Variants in NRXN1 observed in about 807,000 individuals in gnomAD.
The protein encoded by NRXN1 is neurexin-1.
In NRXN1, 39 loss-of-function variants were observed where a neutral mutation model predicts 150.9. The observed-to-expected ratio is 0.26, with a 90% CI of 0.20 to 0.34. The LOEUF (loss-of-function observed/expected upper bound fraction) is 0.34, where lower values mean the gene tolerates loss of function less well. NRXN1 is among the 10% of genes least tolerant of loss of function. The pLI is 1.00. For missense variants in NRXN1, 1,815 were observed against 1,949.9 expected (o/e 0.93, Z 1.30); for synonymous variants, 924 against 757.0 (o/e 1.22, Z -3.62).
intron 18 of NRXN1, among the ~76,000 whole-genome samples, chr2:50,167,062 C>T (rs925075903): frequency 7.2e-5 from 11 of 152,000 alleles, no homozygotes; most frequent in African/African-American, 2.7e-4. Flanking sequence ...AGAGAATTCT[C>T]AAAATATTTG....
intron 7 of NRXN1, among the ~76,000 whole-genome samples, chr2:50,620,726 G>A (rs572415100): frequency 1.3e-5 from 2 of 152,274 alleles, no homozygotes; most frequent in African/African-American, 2.4e-5. Flanking sequence ...AGCGGCACAC[G>A]CTGATGTGCA....
chr2:50,152,854 T>G (rs968332405), intron 18 of NRXN1, among the ~76,000 whole-genome samples: 5 of 151,808 alleles, frequency 3.3e-5, no homozygotes, highest in African/African-American at 1.2e-4. Flanking sequence ...GTTTTATATT[T>G]ATGTTTTCAT....
intron 17 of NRXN1, among the ~76,000 whole-genome samples, chr2:50,430,745 C>A (rs1326582491): frequency 1.3e-5 from 2 of 152,156 alleles, no homozygotes; most frequent in Non-Finnish European, 2.9e-5. Context: ...AACATTTCAA[C>A]ATCTGTTAAA....
chr2:50,330,740 G>A (rs771364274), intron 17 of NRXN1, among the ~76,000 whole-genome samples: 13 of 152,136 alleles, frequency 8.5e-5, no homozygotes, highest in Non-Finnish European at 1.8e-4. Flanking sequence ...TTTCTCAGAG[G>A]TTGTTTACTG....
intron 2 of NRXN1, among the ~76,000 whole-genome samples, chr2:51,022,454 T>C (rs1669762421): frequency 6.6e-6 from 1 of 152,154 alleles, no homozygotes; most frequent in Non-Finnish European, 1.5e-5. Context: ...CAAAATAATA[T>C]ATTTGACTTT....
intron 2 of NRXN1, chr2:51,026,436 A>T: frequency 1.2e-6 from 2 of 1,605,466 alleles, no homozygotes; most frequent in South Asian, 2.2e-5. Context: ...ATGTAACAGC[A>T]CCGGCAAAAC....
chr2:50,013,454 G>GT (rs1266501435), intron 21 of NRXN1, among the ~76,000 whole-genome samples: 2 of 151,950 alleles, frequency 1.3e-5, no homozygotes, highest in Non-Finnish European at 2.9e-5. Context: ...CAGAGTAAAA[G>GT]AATTGTGTTT....
At chr2:50,769,511 G>A (rs975263778) in intron 5 of NRXN1, among the ~76,000 whole-genome samples, 2 of 151,984 alleles carry the variant, frequency 1.3e-5, no homozygotes, top group African/African-American at 2.4e-5. Context: ...AGATGGGAGC[G>A]AGAAATCACT....
chr2:50,875,871 A>C (rs2106122906), intron 5 of NRXN1, among the ~76,000 whole-genome samples: 1 of 151,956 alleles, frequency 6.6e-6, no homozygotes, highest in Admixed American at 6.6e-5. Context: ...GTCAGCCCAA[A>C]TTTAAAAAGA....
At chr2:50,946,717 T>C (rs1690449016) in intron 2 of NRXN1, among the ~76,000 whole-genome samples, 2 of 152,286 alleles carry the variant, frequency 1.3e-5, no homozygotes, top group East Asian at 3.9e-4. Flanking sequence ...CTCACCTCAA[T>C]ATACTTTAAA....
intron 17 of NRXN1, among the ~76,000 whole-genome samples, chr2:50,246,729 T>C (rs1456706992): frequency 1.9e-5 from 1 of 53,088 alleles, no homozygotes; most frequent in East Asian, 3.5e-4. Flanking sequence ...GCTTCTCTGC[T>C]GCACCTTGAT....
chr2:50,990,478 T>G (rs1698384034), intron 2 of NRXN1, among the ~76,000 whole-genome samples: 1 of 152,052 alleles, frequency 6.6e-6, no homozygotes. Flanking sequence ...AAGCGCTCTT[T>G]TGAATTTCTT....
intron 5 of NRXN1, among the ~76,000 whole-genome samples, chr2:50,796,063 C>G (rs945680602): frequency 8.6e-5 from 13 of 152,030 alleles, no homozygotes; most frequent in African/African-American, 3.1e-4. Context: ...CTTTAGTTTC[C>G]TCAGTAGCTG....
At chr2:50,840,456 T>C (rs983719875) in intron 5 of NRXN1, among the ~76,000 whole-genome samples, 1 of 152,132 alleles carries the variant, frequency 6.6e-6, no homozygotes. Context: ...ACGAACATCT[T>C]TATAGAGGTC....
At chr2:50,949,331 T>C (rs1191415385) in intron 2 of NRXN1, among the ~76,000 whole-genome samples, 3 of 152,102 alleles carry the variant, frequency 2.0e-5, no homozygotes, top group African/African-American at 4.8e-5. Flanking sequence ...GTGTCTAATT[T>C]AGTTACTTAC....
At chr2:50,435,831 T>A (rs909723324) in intron 17 of NRXN1, among the ~76,000 whole-genome samples, 14 of 151,996 alleles carry the variant, frequency 9.2e-5, no homozygotes, top group African/African-American at 3.4e-4. Flanking sequence ...AGGGTGAGAA[T>A]TGAAAAACTA....
intron 5 of NRXN1, among the ~76,000 whole-genome samples, chr2:50,696,898 C>T (rs1208177277): frequency 6.6e-6 from 1 of 152,144 alleles, no homozygotes; most frequent in Non-Finnish European, 1.5e-5. Flanking sequence ...AGTTTATTCA[C>T]AATGAAAGCC....
At chr2:50,290,673 G>A (rs952085230) in intron 17 of NRXN1, among the ~76,000 whole-genome samples, 6 of 152,168 alleles carry the variant, frequency 3.9e-5, no homozygotes, top group Non-Finnish European at 8.8e-5. Context: ...GAGGACTGGA[G>A]GGGGCTGTTC....
intron 17 of NRXN1, among the ~76,000 whole-genome samples, chr2:50,463,791 T>C (rs563552896): frequency 2.0e-3 from 311 of 151,832 alleles, no homozygotes; most frequent in Non-Finnish European, 3.3e-3. Flanking sequence ...GAAACTACAT[T>C]AAGCATAGTT....
Sources: gnomAD v4.1 joint callset for allele counts (sites outside exome capture counted in the v4.1 genomes callset) on GRCh38, gnomAD v4.1.1 for gene constraint, MANE v1.5 for transcripts, NCBI Gene and HGNC (gene_info 2026-07-23, HGNC 2026-07-21) for gene names.